The following GLRA2 variants were observed in gnomAD, a reference collection of about 807,000 sequenced individuals.
The protein encoded by GLRA2 is glycine receptor subunit alpha-2.
GLRA2 carries 11 observed loss-of-function variants against 31.6 expected under a neutral mutation model. That is an observed-to-expected ratio of 0.35 (90% CI 0.22 to 0.58). GLRA2 has a LOEUF of 0.58. GLRA2 is among the 20% of genes least tolerant of loss of function. GLRA2 has a pLI of 0.84. For synonymous variants in GLRA2, 132 were observed against 134.0 expected, an observed-to-expected ratio of 0.99 and a Z score of 0.10; for missense variants, 212 against 351.8, an observed-to-expected ratio of 0.60 and a Z score of 3.18.
At chrX:14,621,931 C>T (rs1462417525) in intron 7 of GLRA2, among the ~76,000 whole-genome samples, 1 of 111,987 alleles carries the variant, frequency 8.9e-6, no homozygotes, top group Non-Finnish European at 1.9e-5. Flanking sequence ...CTTGAGGAAT[C>T]GCCACACTGT....
chrX:14,672,482 G>C (rs2091103789), intron 7 of GLRA2, among the ~76,000 whole-genome samples: 1 of 112,124 alleles, frequency 8.9e-6, no homozygotes, highest in African/African-American at 3.2e-5. Context: ...AGAGGCAGTA[G>C]GATTTCTTTT....
chrX:14,683,413 AT>A (rs2091238932), intron 7 of GLRA2, among the ~76,000 whole-genome samples: 1 of 111,247 alleles, frequency 9.0e-6, no homozygotes, highest in Non-Finnish European at 1.9e-5. Context: ...TTTCTTGTAA[AT>A]TTGTTTGAGT....
At chrX:14,474,983 C>T in the GLRA2 span, among the ~76,000 whole-genome samples, 1 of 111,863 alleles carries the variant, frequency 8.9e-6, no homozygotes, top group Non-Finnish European at 1.9e-5. Flanking sequence ...GCCCTTGTTG[C>T]AATCTACCAC....
At chrX:14,598,120 CAACAGAGGA>C (rs2090228551) in intron 4 of GLRA2, among the ~76,000 whole-genome samples, 1 of 111,382 alleles carries the variant, frequency 9.0e-6, no homozygotes, top group Non-Finnish European at 1.9e-5. Flanking sequence ...AATGTGGTCC[CAACAGAGGA>C]ACAGCAATAC....
At chrX:14,557,147 G>A (rs1335437119) in intron 2 of GLRA2, among the ~76,000 whole-genome samples, 6 of 73,849 alleles carry the variant, frequency 8.1e-5, no homozygotes, top group African/African-American at 2.9e-4. Flanking sequence ...ACGGAGTCTC[G>A]CTCTGTCGCC....
intron 7 of GLRA2, among the ~76,000 whole-genome samples, chrX:14,619,946 C>T (rs2090496528): frequency 1.8e-5 from 2 of 108,466 alleles, no homozygotes; most frequent in Non-Finnish European, 3.8e-5. Flanking sequence ...ATCCATCTAA[C>T]CTTTATCTAA....
chrX:14,501,909 G>T, the GLRA2 span, among the ~76,000 whole-genome samples: 6 of 111,246 alleles, frequency 5.4e-5, no homozygotes, highest in Admixed American at 2.9e-4. Context: ...TCTCCTCTTG[G>T]ATTGCAGATG....
intron 2 of GLRA2, among the ~76,000 whole-genome samples, chrX:14,534,213 GTTTT>G (rs368371153): frequency 5.2e-5 from 5 of 95,638 alleles, no homozygotes; most frequent in Non-Finnish European, 6.3e-5. Context: ...GTGTGGCCAT[GTTTT>G]TTTTTTTTTT....
the GLRA2 span, among the ~76,000 whole-genome samples, chrX:14,472,550 C>G: frequency 1.8e-5 from 2 of 110,934 alleles, no homozygotes; most frequent in Non-Finnish European, 3.8e-5. Context: ...TTTTAGGCCC[C>G]AGTGTGTGTT....
intron 2 of GLRA2, among the ~76,000 whole-genome samples, chrX:14,535,498 A>G (rs189116250): frequency 2.1e-4 from 24 of 112,461 alleles, no homozygotes; most frequent in Admixed American, 2.0e-3. Flanking sequence ...CAGGGAAAAA[A>G]TAGCTTTTCT....
chrX:14,702,938 AG>A (rs766797418), intron 8 of GLRA2, among the ~76,000 whole-genome samples: 2 of 111,046 alleles, frequency 1.8e-5, no homozygotes, highest in Admixed American at 1.9e-4. Flanking sequence ...GGTGAATCAG[AG>A]GGGGCTCACT....
chrX:14,583,696 G>A (rs1404124477), intron 4 of GLRA2, among the ~76,000 whole-genome samples: 1 of 111,923 alleles, frequency 8.9e-6, no homozygotes, highest in African/African-American at 3.2e-5. Flanking sequence ...CCGAGATAGT[G>A]CCACTGCACT....
chrX:14,685,177 T>C (rs1165535690), intron 7 of GLRA2, among the ~76,000 whole-genome samples: 1 of 111,703 alleles, frequency 9.0e-6, no homozygotes, highest in Non-Finnish European at 1.9e-5. Context: ...CACTTGATCA[T>C]GGTGGGTAAG....
intron 8 of GLRA2, among the ~76,000 whole-genome samples, chrX:14,727,597 T>C (rs1413302593): frequency 8.9e-6 from 1 of 112,379 alleles, no homozygotes; most frequent in African/African-American, 3.2e-5. Flanking sequence ...ATGAGGACAC[T>C]GATGACACTG....
chrX:14,629,262 A>C (rs1321609863), intron 7 of GLRA2, among the ~76,000 whole-genome samples: 2 of 111,268 alleles, frequency 1.8e-5, no homozygotes, highest in Non-Finnish European at 3.8e-5. Flanking sequence ...ATAGAGAAGG[A>C]AGGCTGTGAG....
At chrX:14,618,723 AAT>A (rs2147105502) in intron 7 of GLRA2, among the ~76,000 whole-genome samples, 1 of 111,412 alleles carries the variant, frequency 9.0e-6, no homozygotes, top group African/African-American at 3.3e-5. Context: ...TCTGAAGAAA[AAT>A]ATGTTTCCAA....
chrX:14,508,254 T>C, the GLRA2 span, among the ~76,000 whole-genome samples: 1 of 112,506 alleles, frequency 8.9e-6, no homozygotes, highest in Non-Finnish European at 1.9e-5. Context: ...CTCATGCCAT[T>C]TCTCAAAGCT....
the GLRA2 span, among the ~76,000 whole-genome samples, chrX:14,493,620 TAC>T: frequency 8.1e-5 from 8 of 99,294 alleles, no homozygotes; most frequent in South Asian, 4.1e-4. Context: ...TACACATATA[TAC>T]ACATATATAC....
intron 2 of GLRA2, among the ~76,000 whole-genome samples, chrX:14,541,298 G>C (rs972469342): frequency 1.8e-5 from 2 of 111,141 alleles, no homozygotes; most frequent in African/African-American, 6.5e-5. Flanking sequence ...TGAAGACCAG[G>C]GGCAGAGTAG....
Sources: gnomAD v4.1 joint callset for allele counts (sites outside exome capture counted in the v4.1 genomes callset) on GRCh38, gnomAD v4.1.1 for gene constraint, MANE v1.5 for transcripts, NCBI Gene and HGNC (gene_info 2026-07-23, HGNC 2026-07-21) for gene names.